The following MAGI1 variants were observed in gnomAD, a reference collection of about 807,000 sequenced individuals.
MAGI1 encodes the protein membrane-associated guanylate kinase, WW and PDZ domain-containing protein 1.
In MAGI1, 58 loss-of-function variants were observed where a neutral mutation model predicts 139.9. The observed-to-expected ratio is 0.41, with a 90% CI of 0.34 to 0.52. The LOEUF is 0.52. Ranked by LOEUF, MAGI1 falls within the 20% of genes least tolerant of loss-of-function variation. The pLI, the probability that MAGI1 is intolerant of heterozygous loss-of-function variation, is 0.12. For synonymous variants in MAGI1, 812 were observed against 737.9 expected (o/e 1.10, Z -1.63); for missense variants, 1,874 against 1,901.6 (o/e 0.99, Z 0.27).
At chr3:65,665,561 T>C (rs2086461184) in intron 1 of MAGI1, among the ~76,000 whole-genome samples, 1 of 152,194 alleles carries the variant, frequency 6.6e-6, no homozygotes, top group Non-Finnish European at 1.5e-5. Context: ...ACAAGTAAGA[T>C]ACAATTATGT....
At chr3:65,732,323 C>A (rs1296054530) in intron 1 of MAGI1, among the ~76,000 whole-genome samples, 1 of 152,178 alleles carries the variant, frequency 6.6e-6, no homozygotes, top group East Asian at 1.9e-4. Flanking sequence ...GTACACAAAC[C>A]CACTTCTCAT....
chr3:65,389,420 T>C (rs1299204740), intron 14 of MAGI1, among the ~76,000 whole-genome samples: 1 of 152,116 alleles, frequency 6.6e-6, no homozygotes, highest in East Asian at 1.9e-4. Flanking sequence ...AAAAGATTCA[T>C]ACAGGAAAAC....
chr3:65,956,282 T>A (rs2064122977), intron 1 of MAGI1, among the ~76,000 whole-genome samples: 2 of 152,214 alleles, frequency 1.3e-5, no homozygotes, highest in Non-Finnish European at 2.9e-5. Flanking sequence ...ATGCTCTTCA[T>A]ACCAACTCGG....
chr3:65,456,479 G>T (rs1435721574), intron 5 of MAGI1, among the ~76,000 whole-genome samples: 4 of 150,812 alleles, frequency 2.7e-5, no homozygotes, highest in Non-Finnish European at 4.4e-5. Flanking sequence ...TCTGTAGTTT[G>T]TCCTTTCATC....
At chr3:65,555,950 A>G (rs2080066016) in intron 2 of MAGI1, among the ~76,000 whole-genome samples, 1 of 152,320 alleles carries the variant, frequency 6.6e-6, no homozygotes, top group Middle Eastern at 3.4e-3. Context: ...GAATGTAAGA[A>G]TGATCAGCTG....
At chr3:65,715,021 G>A (rs1035565791) in intron 1 of MAGI1, among the ~76,000 whole-genome samples, 2 of 151,954 alleles carry the variant, frequency 1.3e-5, no homozygotes, top group African/African-American at 4.8e-5. Flanking sequence ...GGGATGGGGA[G>A]AGGGGTAGAG....
chr3:65,381,731 G>C, intron 16 of MAGI1, 146 bp downstream of exon 16: 1 of 749,238 alleles, frequency 1.3e-6, no homozygotes, highest in South Asian at 2.1e-5. Context: ...GGGTTTGAGA[G>C]AAGCAAGCCA....
intron 1 of MAGI1, among the ~76,000 whole-genome samples, chr3:65,624,461 A>G (rs1309047203): frequency 1.3e-5 from 2 of 152,250 alleles, no homozygotes; most frequent in Admixed American, 1.3e-4. Flanking sequence ...CTACTAATGC[A>G]TGCATTAATA....
chr3:65,771,782 C>A (rs1287768913), intron 1 of MAGI1, among the ~76,000 whole-genome samples: 1 of 152,200 alleles, frequency 6.6e-6, no homozygotes, highest in Non-Finnish European at 1.5e-5. Context: ...ACCCAGGAAT[C>A]CCCAGTGCTG....
intron 1 of MAGI1, among the ~76,000 whole-genome samples, chr3:65,808,773 C>T (rs1291361958): frequency 6.6e-6 from 1 of 151,472 alleles, no homozygotes; most frequent in African/African-American, 2.5e-5. Context: ...AGAGGACTTG[C>T]ACCGCACACA....
At chr3:65,451,780 G>A (rs1949045121) in intron 6 of MAGI1, among the ~76,000 whole-genome samples, 1 of 152,154 alleles carries the variant, frequency 6.6e-6, no homozygotes, top group African/African-American at 2.4e-5. Flanking sequence ...AAGTAGCTGG[G>A]ACCACAGGCG....
At chr3:66,030,221 G>A (rs992793769) in intron 1 of MAGI1, among the ~76,000 whole-genome samples, 2 of 152,168 alleles carry the variant, frequency 1.3e-5, no homozygotes, top group African/African-American at 4.8e-5. Context: ...TTTAGCCCCA[G>A]CCATTGACTG....
intron 1 of MAGI1, among the ~76,000 whole-genome samples, chr3:65,770,051 A>G (rs2037824071): frequency 6.6e-6 from 1 of 152,182 alleles, no homozygotes; most frequent in Non-Finnish European, 1.5e-5. Context: ...TGATGCTATT[A>G]CTGCTCTCAT....
chr3:65,940,760 G>T (rs930655197), intron 1 of MAGI1, among the ~76,000 whole-genome samples: 5 of 152,174 alleles, frequency 3.3e-5, no homozygotes, highest in African/African-American at 1.2e-4. Context: ...TGTAACCAAA[G>T]TGCGTATCAG....
chr3:65,566,400 T>C (rs2080645543), intron 2 of MAGI1, among the ~76,000 whole-genome samples: 5 of 152,134 alleles, frequency 3.3e-5, no homozygotes, highest in Admixed American at 3.3e-4. Flanking sequence ...AGTAGTAAGA[T>C]TCAGGGTGAT....
At chr3:65,502,639 C>G (rs757425362) in intron 2 of MAGI1, among the ~76,000 whole-genome samples, 1 of 152,164 alleles carries the variant, frequency 6.6e-6, no homozygotes, top group Non-Finnish European at 1.5e-5. Flanking sequence ...TTTGCTGTAT[C>G]TTCACATGGC....
At chr3:65,966,719 T>C (rs2064764747) in intron 1 of MAGI1, among the ~76,000 whole-genome samples, 1 of 152,174 alleles carries the variant, frequency 6.6e-6, no homozygotes, top group African/African-American at 2.4e-5. Context: ...CATCAGCTTG[T>C]TCATCTGCAA....
At chr3:65,493,009 C>T (rs1238103083) in intron 3 of MAGI1, among the ~76,000 whole-genome samples, 1 of 144,318 alleles carries the variant, frequency 6.9e-6, no homozygotes, top group East Asian at 2.1e-4. Context: ...ACCCAGGAGG[C>T]AGAGCTTACA....
intron 2 of MAGI1, among the ~76,000 whole-genome samples, chr3:65,576,448 G>A (rs568478827): frequency 5.3e-4 from 81 of 152,278 alleles, no homozygotes; most frequent in Non-Finnish European, 4.4e-4. Flanking sequence ...AAAGATTCCA[G>A]CTCTAACAGG....
Sources: allele counts gnomAD v4.1 joint callset (sites outside exome capture counted in the v4.1 genomes callset), GRCh38; gene constraint gnomAD v4.1.1; transcripts MANE v1.5; gene names NCBI Gene and HGNC (gene_info 2026-07-23, HGNC 2026-07-21).